Variants in SPATA13 observed in about 807,000 individuals in gnomAD.
SPATA13 encodes the protein spermatogenesis-associated protein 13.
A neutral mutation model predicts 104.0 loss-of-function variants in SPATA13; 50 were observed. The ratio of observed to expected loss-of-function variants is 0.48; its 90% CI spans 0.38 to 0.61. The LOEUF (loss-of-function observed/expected upper bound fraction) is 0.61. Among genes scored for constraint, SPATA13 ranks in the 20% least tolerant of loss-of-function variants. The pLI is 0.00. For missense variants in SPATA13, 1,524 were observed against 1,690.6 expected (o/e 0.90, Z 1.73); for synonymous variants, 606 against 667.5 (o/e 0.91, Z 1.42).
At chr13:24,208,989 G>A (rs1471993820) in intron 1 of SPATA13, among the ~76,000 whole-genome samples, 2 of 152,190 alleles carry the variant, frequency 1.3e-5, no homozygotes, top group African/African-American at 2.4e-5. Flanking sequence ...CTATGTTTTT[G>A]TTGTCTTCTG....
chr13:24,291,751 T>TTTA (rs1566197904), intron 9 of SPATA13, among the ~76,000 whole-genome samples: 10 of 74,446 alleles, frequency 1.3e-4, no homozygotes, highest in South Asian at 4.3e-4. Context: ...TTTTTTTATT[T>TTTA]TTTTATTTTT....
intron 3 of SPATA13, among the ~76,000 whole-genome samples, chr13:24,081,282 C>T (rs1879506764): frequency 6.6e-6 from 1 of 152,162 alleles, no homozygotes; most frequent in Admixed American, 6.5e-5. Context: ...GTTAATCATA[C>T]AAAGTTCACC....
rs373376697 is a variant in SPATA13, at chr13:24,278,523, C to T, written c.2165-5612C>T. ...AAACTCCTGGGCTCAAGGGATCCTCCTGCCTCAGTCTTCCAAAGTGCTGGG... is the reference window on the plus strand; with the variant it reads ...AAACTCCTGGGCTCAAGGGATCCTCTTGCCTCAGTCTTCCAAAGTGCTGGG... On this transcript the variant is annotated intron_variant, in intron 4 of 12. Coordinates refer to ENST00000382108, the MANE Select transcript of SPATA13 (RefSeq NM_001166271.3). The T allele has an allele frequency of 3.1e-5, 26 of 829,858 alleles. No homozygotes were observed. In the East Asian group the frequency reaches 7.5e-4, roughly 24 times the overall value. 51.4% of individuals were successfully genotyped at this position (829,858 alleles called of 1,614,324 possible).
At chr13:24,276,203 G>A (rs1463389781) in intron 4 of SPATA13, among the ~76,000 whole-genome samples, 1 of 152,180 alleles carries the variant, frequency 6.6e-6, no homozygotes, top group Non-Finnish European at 1.5e-5. Context: ...GAGCCCAAAT[G>A]TTCACCCACA....
Position 24,249,836 on chromosome 13 carries a change from G to C in SPATA13, c.2013G>C (p.Leu671=), listed in dbSNP as rs914720502. The change falls in exon 3 of 13, where the codon CTG becomes CTC. Residue 671 remains leucine (L), a synonymous_variant. Coordinates refer to ENST00000382108, the MANE Select transcript of SPATA13 (RefSeq NM_001166271.3). ...TNQTEELDNL[L]TQPASRPPMP... is the part of the protein sequence containing the mutation. ...AGACGGAGGAACTGGACAATCTTCTGACCCAAGTAAGATCTGGTGTGCACT... is the reference window on the plus strand; with the variant it reads ...AGACGGAGGAACTGGACAATCTTCTCACCCAAGTAAGATCTGGTGTGCACT... The C allele has an allele frequency of 2.5e-6, 4 of 1,598,738 alleles. No individual in the cohort carries two copies. Among genetic ancestry groups the C allele is most frequent in the Non-Finnish European group, 3.4e-6 (4 of 1,171,872 alleles).
intron 2 of SPATA13, among the ~76,000 whole-genome samples, chr13:23,986,573 A>G (rs1264478672): frequency 6.6e-6 from 1 of 152,196 alleles, no homozygotes; most frequent in African/African-American, 2.4e-5. Flanking sequence ...GTCTCTAGGA[A>G]GCTGCAAGGA....
chr13:24,001,055 C>T (rs1031988892), intron 2 of SPATA13, among the ~76,000 whole-genome samples: 16 of 152,146 alleles, frequency 1.1e-4, no homozygotes, highest in Non-Finnish European at 1.9e-4. Flanking sequence ...TCCCCTCACC[C>T]CCTGTCCTCC....
intron 3 of SPATA13, chr13:24,033,947 T>A (rs1241420207): frequency 1.3e-5 from 2 of 152,250 alleles, no homozygotes; most frequent in African/African-American, 4.8e-5. Flanking sequence ...GGTGTTTTTC[T>A]GTAGCAAGTC....
intron 4 of SPATA13, among the ~76,000 whole-genome samples, chr13:24,279,879 G>A (rs759762447): frequency 2.0e-5 from 3 of 152,188 alleles, no homozygotes; most frequent in Non-Finnish European, 2.9e-5. Context: ...TCCTGGCCAG[G>A]ACTGAGTCAG....
intron 2 of SPATA13, among the ~76,000 whole-genome samples, chr13:24,010,701 T>A (rs2137685207): frequency 6.6e-6 from 1 of 152,120 alleles, no homozygotes; most frequent in South Asian, 2.1e-4. Context: ...CTCCCATGAA[T>A]CTTCCTCCCC....
At chr13:24,095,149 C>A (rs9553169) in intron 3 of SPATA13, among the ~76,000 whole-genome samples, 5,077 of 152,282 alleles carry the variant, frequency 0.033, 247 homozygotes, top group African/African-American at 0.1. Flanking sequence ...GAGGCGGAAA[C>A]AACCCAAGTG....
At chr13:24,293,297 C>T (rs1386579771) in intron 9 of SPATA13, among the ~76,000 whole-genome samples, 1 of 150,210 alleles carries the variant, frequency 6.7e-6, no homozygotes, top group African/African-American at 2.4e-5. Flanking sequence ...TTGTAAATAC[C>T]TTCTACAGAT....
In SPATA13 at chr13:24,066,108, A is replaced by G. The variant is rs142942793; in HGVS notation, c.-112+48407A>G. Among the ~76,000 whole-genome samples, 74 of 152,346 alleles carry G rather than the reference A, an allele frequency of 4.9e-4. No individual in the cohort carries two copies. In the East Asian group the frequency reaches 0.011, roughly 22 times the overall value. ...TAATTGATTATGAATTGTTAAAGGTACATACCTATATTGTACCTTTAGGTT... is the reference window on the plus strand; with the variant it reads ...TAATTGATTATGAATTGTTAAAGGTGCATACCTATATTGTACCTTTAGGTT... On this transcript the variant is annotated intron_variant, in intron 3 of 14. Transcript: ENST00000424834.
chr13:24,278,850 A>T, intron 4 of SPATA13: 1 of 1,565,528 alleles, frequency 6.4e-7, no homozygotes, highest in Non-Finnish European at 8.6e-7. Flanking sequence ...AAAGCCTTGC[A>T]TGAAGTCCAC....
chr13:24,181,533 A>G (rs1868807413), intron 1 of SPATA13, among the ~76,000 whole-genome samples: 1 of 151,782 alleles, frequency 6.6e-6, no homozygotes, highest in Non-Finnish European at 1.5e-5. Flanking sequence ...TTTGTTTTGT[A>G]CTTTTTAAGC....
intron 1 of SPATA13, among the ~76,000 whole-genome samples, chr13:24,213,154 A>G (rs1871114641): frequency 6.6e-6 from 1 of 152,210 alleles, no homozygotes; most frequent in African/African-American, 2.4e-5. Flanking sequence ...ATTAAGGAAC[A>G]TTGTGGGGGT....
intron 3 of SPATA13, among the ~76,000 whole-genome samples, chr13:24,072,825 C>CTTCTTTTTTTTTTT (rs1879212035): frequency 8.3e-6 from 1 of 120,672 alleles, no homozygotes; most frequent in Non-Finnish European, 1.7e-5. Flanking sequence ...CTGTTGGCTC[C>CTTCTTTTTTTTTTT]TTTTTTTTTT....
intron 3 of SPATA13, among the ~76,000 whole-genome samples, chr13:24,071,178 T>C (rs1879148968): frequency 6.6e-6 from 1 of 152,008 alleles, no homozygotes; most frequent in Non-Finnish European, 1.5e-5. Flanking sequence ...TGAGATATGA[T>C]TCCTTTGTAG....
In SPATA13 at chr13:24,290,856, C is replaced by G; in HGVS notation, c.3052C>G (p.Leu1018Val). 1 of 1,614,096 alleles carries G rather than the reference C, an allele frequency of 6.2e-7. No individual in the cohort carries two copies. Among genetic ancestry groups the G allele is most frequent in the Non-Finnish European group, 8.5e-7 (1 of 1,180,014 alleles). ...ICKYPLQLAE[L>V]LKYTTQEHGD... ...CAAATACCCGCTGCAGCTGGCCGAG[C>G]TGCTCAAGTATACCACACAGGAACA... Residue 1018 changes from leucine to valine, a missense_variant, in exon 9 of 13, where the codon CTG (leucine) becomes GTG (valine). Transcript: ENST00000382108.
Sources: gnomAD v4.1 joint callset for allele counts (sites outside exome capture counted in the v4.1 genomes callset) on GRCh38, gnomAD v4.1.1 for gene constraint, MANE v1.5 for transcripts, NCBI Gene and HGNC (gene_info 2026-07-23, HGNC 2026-07-21) for gene names.